HOXB3: variants seen among roughly 807,000 people sequenced by gnomAD.
The protein encoded by HOXB3 is homeobox B3.
In HOXB3, 17 loss-of-function variants were observed where a neutral mutation model predicts 29.2. That is an observed-to-expected ratio of 0.58 (90% CI 0.40 to 0.87). HOXB3 has a LOEUF of 0.87. Ranked by LOEUF, HOXB3 falls within the 40% of genes least tolerant of loss-of-function variation. The pLI is 0.00. For missense variants in HOXB3, 637 were observed against 616.3 expected, an observed-to-expected ratio of 1.03 and a Z score of -0.35; for synonymous variants, 317 against 285.9, an observed-to-expected ratio of 1.11 and a Z score of -1.10.
At chr17:48,580,337 T>TA (rs34917448) in intron 1 of HOXB3, 4 of 149,568 alleles carry the variant, frequency 2.7e-5, no homozygotes, top group African/African-American at 1.0e-4. Flanking sequence ...TTTTTTTTTT[T>TA]AGAAAAAACA....
chr17:48,550,620 T>G lies in HOXB3; in HGVS notation c.1010A>C (p.Asn337Thr). Reference protein sequence around the residue: ...PEYEPHVLQANGGAYGTPTMQ... With the variant: ...PEYEPHVLQATGGAYGTPTMQ... ...GGTGGGCGTCCCGTAGGCGCCCCCG[T>G]TGGCTTGGAGGACGTGCGGCTCATA... The change falls in exon 5 of 5, where the codon AAC (asparagine) becomes ACC (threonine). Residue 337 changes from asparagine (N) to threonine (T), a missense_variant. By Grantham distance (65) the Asn-to-Thr change is moderately conservative. Coordinates refer to ENST00000498678, the MANE Select transcript of HOXB3 (RefSeq NM_001384749.1). 6.6e-7 allele frequency: 1 copy of G among 1,521,446 alleles called. No homozygotes were observed. Among genetic ancestry groups the G allele is most frequent in the Non-Finnish European group, 8.8e-7 (1 of 1,139,004 alleles). 94.2% of individuals were successfully genotyped at this position (1,521,446 alleles called of 1,614,324 possible).
intron 1 of HOXB3, chr17:48,579,316 T>C (rs1407592141): frequency 1.3e-5 from 2 of 152,414 alleles, no homozygotes; most frequent in South Asian, 4.1e-4. Flanking sequence ...ACGTTCTAAT[T>C]GTCGCCGCCT....
Position 48,552,154 on chromosome 17 carries a change from G to A in HOXB3, c.321C>T (p.Gly107=), listed in dbSNP as rs1180795557. The A allele has an allele frequency of 1.9e-6, 3 of 1,613,964 alleles. No homozygotes were observed. Among genetic ancestry groups the A allele is most frequent in the Admixed American group, 1.7e-5 (1 of 60,008 alleles). ...TTGGGGGACCACTTTTGCTGGGCCCGCCCCCATTACTGCTGTTGCTAGTGG... is the reference window on the plus strand; with the variant it reads ...TTGGGGGACCACTTTTGCTGGGCCCACCCCCATTACTGCTGTTGCTAGTGG... ...TSATSNSSNG[G]GPSKSGPPKC... Residue 107 remains glycine (G), a synonymous_variant, in exon 4 of 5, where the codon GGC becomes GGT. Coordinates refer to ENST00000498678, the MANE Select transcript of HOXB3 (RefSeq NM_001384749.1).
chr17:48,553,449 G>C (rs897488788), intron 3 of HOXB3: 1 of 150,798 alleles, frequency 6.6e-6, no homozygotes, highest in Non-Finnish European at 1.5e-5. Flanking sequence ...GTCTCTCCCC[G>C]GACCTCTTTT....
intron 1 of HOXB3, chr17:48,579,348 C>T (rs1315952629): frequency 6.6e-6 from 1 of 152,284 alleles, no homozygotes; most frequent in Non-Finnish European, 1.5e-5. Flanking sequence ...AGAAATCTCA[C>T]ATCCCTTTGA....
chr17:48,564,552 G>A (rs2069324385), intron 2 of HOXB3, among the ~76,000 whole-genome samples: 1 of 152,246 alleles, frequency 6.6e-6, no homozygotes, highest in Admixed American at 6.5e-5. Flanking sequence ...GCCGCGCAGG[G>A]CTGCGGGAAC....
chr17:48,555,726 G>C (rs1466259566), intron 2 of HOXB3, 108 bp from the exon 3 acceptor site: 1 of 629,102 alleles, frequency 1.6e-6, no homozygotes, highest in East Asian at 2.9e-5. Context: ...GGGGCAGACC[G>C]GCCAGAGGAG....
chr17:48,556,750 A>G (rs976616247), intron 2 of HOXB3: 1 of 152,130 alleles, frequency 6.6e-6, no homozygotes, highest in African/African-American at 2.4e-5. Flanking sequence ...AACTTCATGG[A>G]TAAGTTTCTG....
intron 2 of HOXB3, among the ~76,000 whole-genome samples, chr17:48,562,698 A>T (rs989097291): frequency 6.6e-5 from 10 of 152,202 alleles, no homozygotes; most frequent in African/African-American, 2.4e-4. Context: ...GCTTCCTCTC[A>T]GATTTCATTG....
intron 1 of HOXB3, chr17:48,578,367 CCT>C (rs1244385940): frequency 1.1e-5 from 17 of 1,575,142 alleles, no homozygotes; most frequent in East Asian, 2.4e-5. Context: ...TATTCCGACC[CCT>C]GACTCGTTTT....
Position 48,573,680 on chromosome 17 carries a change from T to TA in HOXB3, c.-247+156dup, listed in dbSNP as rs34634833. Among the ~76,000 whole-genome samples the TA allele has an allele frequency of 2.6e-5, 4 of 152,222 alleles. No homozygotes were observed. In the East Asian group the frequency reaches 5.8e-4, roughly 22 times the overall value. Reference sequence around the variant, plus strand: ...CCTCTGACCCAAGCATCAGTCATCATAAAAGGGAGCAAACCTGCTGAAGCA... The same window carrying TA: ...CCTCTGACCCAAGCATCAGTCATCATAAAAAGGGAGCAAACCTGCTGAAGCA... On this transcript the variant is annotated intron_variant, in intron 2 of 4. Transcript: ENST00000498678.
chr17:48,588,400 G>C (rs1202025012), intron 1 of HOXB3, among the ~76,000 whole-genome samples: 6 of 152,212 alleles, frequency 3.9e-5, no homozygotes, highest in African/African-American at 1.4e-4. Flanking sequence ...TGACATGAGA[G>C]GGGGCAAAGA....
At chr17:48,571,849 A>T (rs2069595147) in intron 2 of HOXB3, among the ~76,000 whole-genome samples, 1 of 152,222 alleles carries the variant, frequency 6.6e-6, no homozygotes, top group Non-Finnish European at 1.5e-5. Context: ...CACTCCAGTT[A>T]TTTCTTGCCT....
intron 2 of HOXB3, among the ~76,000 whole-genome samples, chr17:48,564,389 C>T (rs1054789015): frequency 6.6e-6 from 1 of 152,068 alleles, no homozygotes; most frequent in Non-Finnish European, 1.5e-5. Flanking sequence ...AGCGTCCCGC[C>T]GAGCTGGGGG....
intron 2 of HOXB3, among the ~76,000 whole-genome samples, chr17:48,564,147 G>C (rs2069298418): frequency 6.6e-6 from 1 of 151,962 alleles, no homozygotes; most frequent in African/African-American, 2.4e-5. Context: ...GGGGGCGGGG[G>C]TCTCAGCCAC....
chr17:48,586,725 T>C (rs2070054573), intron 1 of HOXB3, among the ~76,000 whole-genome samples: 1 of 152,180 alleles, frequency 6.6e-6, no homozygotes, highest in South Asian at 2.1e-4. Flanking sequence ...TTAAATCCTT[T>C]AACAGATTTT....
chr17:48,566,643 T>C (rs2069398572), intron 2 of HOXB3, among the ~76,000 whole-genome samples: 1 of 152,188 alleles, frequency 6.6e-6, no homozygotes, highest in Non-Finnish European at 1.5e-5. Context: ...CAGATCCTTT[T>C]CTTTCCCATC....
intron 1 of HOXB3, chr17:48,577,836 AG>A: frequency 3.6e-6 from 5 of 1,379,728 alleles, no homozygotes; most frequent in Middle Eastern, 1.9e-4. Context: ...CAGGGGTGGG[AG>A]GGGGAAGGGG....
In HOXB3 at chr17:48,555,614, C is replaced by T; in HGVS notation, c.-242G>A. 1 of 702,730 alleles carries T rather than the reference C, an allele frequency of 1.4e-6. No homozygotes were observed. Among genetic ancestry groups the T allele is most frequent in the Middle Eastern group, 2.3e-4 (1 of 4,362 alleles). The allele number at this position is 702,730 out of a possible 1,614,324, so 43.5% of individuals were successfully genotyped here. A position where few individuals can be genotyped will look rare whatever the true frequency, so the allele number is the denominator to read the frequency against. ...GAGCGAGCGGCAGGCGACAAATCTC[C>T]CCTCCTTGAAGGCAAAGGAAAAAAA... On this transcript the variant is annotated 5_prime_UTR_variant, in exon 3 of 5. Transcript: ENST00000498678.
Sources: gnomAD v4.1 joint callset for allele counts (sites outside exome capture counted in the v4.1 genomes callset) on GRCh38, gnomAD v4.1.1 for gene constraint, MANE v1.5 for transcripts, NCBI Gene and HGNC (gene_info 2026-07-23, HGNC 2026-07-21) for gene names.